Variants in SCHIP1 observed in about 807,000 individuals in gnomAD.
The protein encoded by SCHIP1 is schwannomin-interacting protein 1.
A neutral mutation model predicts 29.7 loss-of-function variants in SCHIP1; 8 were observed. The ratio of observed to expected loss-of-function variants is 0.27; its 90% CI spans 0.16 to 0.49. The LOEUF is 0.49. SCHIP1 is among the 20% of genes least tolerant of loss of function. The probability of loss-of-function intolerance (pLI) is 0.99; values close to 1 mark genes in which losing one functional copy is unlikely to be tolerated. For synonymous variants in SCHIP1, 76 were observed against 94.9 expected (o/e 0.80, Z 1.16); for missense variants, 193 against 294.6 (o/e 0.66, Z 2.52).
chr3:159,555,641 T>A, the SCHIP1 span, among the ~76,000 whole-genome samples: 1 of 152,358 alleles, frequency 6.6e-6, no homozygotes, highest in Non-Finnish European at 1.5e-5. Context: ...TATGATTTTT[T>A]AAATTTGACT....
the SCHIP1 span, among the ~76,000 whole-genome samples, chr3:159,678,336 ATGAT>A: frequency 6.6e-6 from 1 of 152,212 alleles, no homozygotes; most frequent in Non-Finnish European, 1.5e-5. Context: ...TGAGAAATGA[ATGAT>A]TGATAGTCCC....
chr3:159,284,347 C>A, the SCHIP1 span, among the ~76,000 whole-genome samples: 1 of 152,100 alleles, frequency 6.6e-6, no homozygotes, highest in African/African-American at 2.4e-5. Context: ...TCTCTGCATA[C>A]TCCTTTATTA....
At chr3:159,588,279 G>A in the SCHIP1 span, among the ~76,000 whole-genome samples, 1 of 152,160 alleles carries the variant, frequency 6.6e-6, no homozygotes, top group South Asian at 2.1e-4. Flanking sequence ...TCTGAGAAGT[G>A]TATGTTCATA....
the SCHIP1 span, among the ~76,000 whole-genome samples, chr3:159,794,010 C>T: frequency 3.3e-5 from 5 of 152,158 alleles, no homozygotes; most frequent in South Asian, 2.1e-4. Flanking sequence ...TCGGCCCACC[C>T]GGGTAATTCA....
At chr3:159,348,185 G>A in the SCHIP1 span, among the ~76,000 whole-genome samples, 2 of 152,158 alleles carry the variant, frequency 1.3e-5, no homozygotes, top group East Asian at 3.9e-4. Flanking sequence ...ACTTATTGGT[G>A]ACAGACACCT....
At chr3:159,371,103 T>C in the SCHIP1 span, among the ~76,000 whole-genome samples, 2 of 152,212 alleles carry the variant, frequency 1.3e-5, no homozygotes, top group Admixed American at 6.5e-5. Flanking sequence ...CAGGGATTTT[T>C]ATCTATTTTA....
chr3:159,403,974 A>C, the SCHIP1 span, among the ~76,000 whole-genome samples: 1 of 152,196 alleles, frequency 6.6e-6, no homozygotes, highest in Non-Finnish European at 1.5e-5. Flanking sequence ...CAGATTCCTA[A>C]GGCCTTCATT....
chr3:159,544,362 T>C, the SCHIP1 span, among the ~76,000 whole-genome samples: 2 of 152,172 alleles, frequency 1.3e-5, no homozygotes, highest in East Asian at 3.9e-4. Context: ...TTACACATAT[T>C]GGACATATAC....
chr3:159,376,146 A>G, the SCHIP1 span, among the ~76,000 whole-genome samples: 1 of 152,188 alleles, frequency 6.6e-6, no homozygotes, highest in African/African-American at 2.4e-5. Context: ...TAACAGGGGA[A>G]AAAAGGTTTT....
intron 1 of SCHIP1, chr3:159,853,469 G>A (rs1712921702): frequency 1.4e-6 from 1 of 690,442 alleles, no homozygotes; most frequent in East Asian, 2.7e-5. Context: ...TAAGGGGGGA[G>A]AGCTCTTTTG....
At chr3:159,509,131 G>C in the SCHIP1 span, among the ~76,000 whole-genome samples, 1 of 152,186 alleles carries the variant, frequency 6.6e-6, no homozygotes, top group Non-Finnish European at 1.5e-5. Flanking sequence ...CTAAGGACTT[G>C]CTTTATGAAC....
At chr3:159,750,546 G>A in the SCHIP1 span, among the ~76,000 whole-genome samples, 3 of 152,022 alleles carry the variant, frequency 2.0e-5, no homozygotes, top group Non-Finnish European at 4.4e-5. Flanking sequence ...GATAGACAGG[G>A]AGGAAATGCC....
chr3:159,385,287 A>G, the SCHIP1 span, among the ~76,000 whole-genome samples: 1 of 152,110 alleles, frequency 6.6e-6, no homozygotes, highest in Non-Finnish European at 1.5e-5. Flanking sequence ...ACCGCACATG[A>G]TGGCTTATGC....
At chr3:159,353,642 T>G in the SCHIP1 span, among the ~76,000 whole-genome samples, 2 of 152,222 alleles carry the variant, frequency 1.3e-5, no homozygotes, top group African/African-American at 4.8e-5. Flanking sequence ...CATGACTCTT[T>G]AGGTCTAATA....
the SCHIP1 span, among the ~76,000 whole-genome samples, chr3:159,592,391 G>T: frequency 6.6e-6 from 1 of 151,760 alleles, no homozygotes; most frequent in Non-Finnish European, 1.5e-5. Flanking sequence ...ATTATAGATT[G>T]GATAAGCCTT....
intron 2 of SCHIP1, among the ~76,000 whole-genome samples, chr3:159,877,063 T>A (rs1022421857): frequency 5.9e-5 from 9 of 152,268 alleles, no homozygotes; most frequent in African/African-American, 2.2e-4. Context: ...ACATCCCTAT[T>A]TTAGGCTGGG....
At chr3:159,283,714 T>C in the SCHIP1 span, among the ~76,000 whole-genome samples, 1,168 of 152,322 alleles carry the variant, frequency 7.7e-3, 13 homozygotes, top group African/African-American at 0.027. Flanking sequence ...CTCTTAATAG[T>C]ACTTCAGAAT....
At chr3:159,544,794 G>C in the SCHIP1 span, among the ~76,000 whole-genome samples, 1 of 152,120 alleles carries the variant, frequency 6.6e-6, no homozygotes, top group East Asian at 1.9e-4. Context: ...CCATAATGTA[G>C]ATTGCCTTTT....
the SCHIP1 span, among the ~76,000 whole-genome samples, chr3:159,464,288 G>T: frequency 6.6e-6 from 1 of 152,132 alleles, no homozygotes; most frequent in South Asian, 2.1e-4. Flanking sequence ...TGTAGAAAAA[G>T]GTAACTGGGG....
Sources: allele counts gnomAD v4.1 joint callset (sites outside exome capture counted in the v4.1 genomes callset), GRCh38; gene constraint gnomAD v4.1.1; transcripts MANE v1.5; gene names NCBI Gene and HGNC (gene_info 2026-07-23, HGNC 2026-07-21).